TMEM18: variants seen among roughly 807,000 people sequenced by gnomAD.
The protein encoded by TMEM18 is transmembrane protein 18.
Under a neutral mutation model 17.4 loss-of-function variants are expected in TMEM18, and 14 were observed. That is an observed-to-expected ratio of 0.80 (90% CI 0.53 to 1.25). TMEM18 has a LOEUF of 1.25. Ranked by LOEUF, TMEM18 falls within the 50% of genes most tolerant of loss-of-function variation. The pLI is 0.00. For synonymous variants in TMEM18, 86 were observed against 66.1 expected (o/e 1.30, Z -1.46); for missense variants, 187 against 172.1 (o/e 1.09, Z -0.48).
At chr2:669,731 G>C in intron 4 of TMEM18, 26 bp downstream of exon 4, 4 of 1,613,838 alleles carry the variant, frequency 2.5e-6, no homozygotes, top group Non-Finnish European at 2.5e-6. Context: ...CATGAAGAAA[G>C]ACAACTGAAA....
At chr2:672,469 A>G (rs1015980091) in intron 3 of TMEM18, among the ~76,000 whole-genome samples, 6 of 152,092 alleles carry the variant, frequency 3.9e-5, no homozygotes, top group Admixed American at 1.3e-4. Context: ...CTGCAGTCCA[A>G]GGGGGAGGGC....
chr2:674,480 A>G (rs562227768), intron 2 of TMEM18, among the ~76,000 whole-genome samples: 2 of 152,266 alleles, frequency 1.3e-5, no homozygotes, highest in South Asian at 2.1e-4. Context: ...GTCACTGTTG[A>G]TAACACAGGT....
intron 3 of TMEM18, chr2:670,804 C>T (rs1299378647): frequency 3.3e-5 from 5 of 152,584 alleles, no homozygotes; most frequent in Non-Finnish European, 5.9e-5. Context: ...TGCAGGACTC[C>T]GCGTTTACTC....
In TMEM18 at chr2:664,671, C is replaced by T. The variant is rs1334460934; in HGVS notation, c.*4909G>A. ...AGGAAATATGTACAACCAATATTGG[C>T]ATATGCTTTCTGAAAATTGATTTAG... On this transcript the variant is annotated 3_prime_UTR_variant, in exon 5 of 5. Transcript: ENST00000281017. Among the ~76,000 whole-genome samples, 1 of 152,190 alleles carries T rather than the reference C, an allele frequency of 6.6e-6. No homozygotes were observed. The highest frequency in any genetic ancestry group is 1.5e-5 in the Non-Finnish European group (1 of 68,046).
intron 2 of TMEM18, among the ~76,000 whole-genome samples, chr2:673,311 C>T (rs1313850207): frequency 1.3e-5 from 2 of 152,176 alleles, no homozygotes; most frequent in African/African-American, 4.8e-5. Flanking sequence ...GACACTGCCA[C>T]TGAGATGACC....
In TMEM18 at chr2:665,916, GCTCA is replaced by G. The variant is rs1277855491; in HGVS notation, c.*3660_*3663del. Among the ~76,000 whole-genome samples the G allele has an allele frequency of 2.0e-5, 3 of 151,964 alleles. No individual in the cohort carries two copies. Among genetic ancestry groups the G allele is most frequent in the Admixed American group, 1.3e-4 (2 of 15,250 alleles). ...CAGGACTCATGGAGGCAGTCACCCA[GCTCA>G]CTCAGATGGAGTGTTAACCCCACGC... On this transcript the variant is annotated 3_prime_UTR_variant, in exon 5 of 5. Transcript: ENST00000281017.
In TMEM18 at chr2:665,276, C is replaced by A. The variant is rs920765420; in HGVS notation, c.*4304G>T. On this transcript the variant is annotated 3_prime_UTR_variant, in exon 5 of 5. Coordinates refer to ENST00000281017, the MANE Select transcript of TMEM18 (RefSeq NM_152834.4). ...CAACAGGATCCAGAGATGCAGACAC[C>A]CCACTCACTCAGATAGAGAATCAAC... Among the ~76,000 whole-genome samples, 48 of 151,548 alleles carry A rather than the reference C, an allele frequency of 3.2e-4. No homozygotes were observed. Among genetic ancestry groups the A allele is most frequent in the African/African-American group, 1.1e-3 (46 of 41,130 alleles).
Position 665,160 on chromosome 2 carries a change from G to A in TMEM18, c.*4420C>T, listed in dbSNP as rs1486602831. ...GATCCATAAACCCAGAGATGCAGAC[G>A]CCCAGCTCAGATGGAGCATCACTCC... is the stretch of plus-strand genomic sequence containing the variant. On this transcript the variant is annotated 3_prime_UTR_variant, in exon 5 of 5. Transcript: ENST00000281017. Among the ~76,000 whole-genome samples, 1 of 152,090 alleles carries A rather than the reference G, an allele frequency of 6.6e-6. No individual in the cohort carries two copies. The highest frequency in any genetic ancestry group is 2.4e-5 in the African/African-American group (1 of 41,392).
At chr2:675,994 G>T (rs1678994210) in intron 1 of TMEM18, 4 of 1,308,400 alleles carry the variant, frequency 3.1e-6, no homozygotes, top group Non-Finnish European at 4.0e-6. Flanking sequence ...ATGATAATTG[G>T]TTATGATAAT....
In TMEM18 at chr2:675,625, C is replaced by T. The variant is rs113619823; in HGVS notation, c.63G>A (p.Thr21=). 10 of 1,613,822 alleles carry T rather than the reference C, an allele frequency of 6.2e-6. No individual in the cohort carries two copies. Among genetic ancestry groups the T allele is most frequent in the Non-Finnish European group, 7.6e-6 (9 of 1,180,028 alleles). Residue 21 remains threonine, a synonymous_variant, in exon 2 of 5, where the codon ACG becomes ACA. Coordinates refer to ENST00000281017, the MANE Select transcript of TMEM18 (RefSeq NM_152834.4). ...CCATGAGCCAGGGCTCAGTCCAGTC[C>T]GTCTGCTGTAGGAACACACCAGCAG... ...PVSIPAVLTQ[T]DWTEPWLMGL...
chr2:664,831 A>G lies in TMEM18; in HGVS notation c.*4749T>C. Among the ~76,000 whole-genome samples, 1 of 152,244 alleles carries G rather than the reference A, an allele frequency of 6.6e-6. No individual in the cohort carries two copies. The highest frequency in any genetic ancestry group is 2.1e-4 in the South Asian group (1 of 4,828). ...CTGTGTTGCTGTTGTCAGTAAAACA[A>G]TTAGAAAAACTCTGCATCTCTAATA... On this transcript the variant is annotated 3_prime_UTR_variant, in exon 5 of 5. Transcript: ENST00000281017.
At chr2:673,173 A>G (rs1572412031) in intron 2 of TMEM18, among the ~76,000 whole-genome samples, 1 of 152,190 alleles carries the variant, frequency 6.6e-6, no homozygotes, top group Non-Finnish European at 1.5e-5. Flanking sequence ...GCTGGACCTC[A>G]CACATTTCCC....
rs562363441 is a variant in TMEM18 at position 675,399 on chromosome 2, G to C, written c.178+111C>G. 5.7e-5 allele frequency: 86 copies of C among 1,498,274 alleles called. No individual in the cohort carries two copies. The African/African-American group carries it at 1.2e-3, about 20-fold the overall frequency. The allele number at this position is 1,498,274 out of a possible 1,614,324, so 92.8% of individuals were successfully genotyped here. A position where few individuals can be genotyped will look rare whatever the true frequency, so the allele number is the denominator to read the frequency against. ...CCCTGGGAGCAGGCACATGACAGAG[G>C]GTTGGGAGGTCTTGTAAAAATATGT... is the stretch of plus-strand genomic sequence containing the variant. On this transcript the variant is annotated intron_variant, in intron 2 of 4. Transcript: ENST00000281017.
At chr2:676,913 G>A (rs1366132349) in intron 1 of TMEM18, 2 of 512,178 alleles carry the variant, frequency 3.9e-6, no homozygotes, top group African/African-American at 2.0e-5. Context: ...CCCGCACGGT[G>A]CAGGACGCCA....
rs1366774440 is a variant in TMEM18 at position 664,130 on chromosome 2, C to T, written c.*5450G>A. 2.0e-5 allele frequency among the ~76,000 whole-genome samples: 3 copies of T among 152,198 alleles called. No homozygotes were observed. The highest frequency in any genetic ancestry group is 7.2e-5 in the African/African-American group (3 of 41,444). On this transcript the variant is annotated 3_prime_UTR_variant, in exon 5 of 5. Transcript: ENST00000281017. ...GAAATGAACTTGGAAAGCATTTAAA[C>T]ACCAGCCACCCATCAGTGTGAACTA...
chr2:676,741 G>C, intron 1 of TMEM18: 1 of 1,160,056 alleles, frequency 8.6e-7, no homozygotes, highest in South Asian at 1.5e-5. Flanking sequence ...GTTCCTCCGT[G>C]CCACCCCACA....
intron 3 of TMEM18, among the ~76,000 whole-genome samples, chr2:671,351 A>T (rs1678845039): frequency 6.6e-6 from 1 of 151,842 alleles, no homozygotes; most frequent in Non-Finnish European, 1.5e-5. Context: ...GGGACTGAAC[A>T]CCCCTCCTGG....
intron 4 of TMEM18, 21 bp from the exon 5 acceptor site, chr2:669,696 CAT>C (rs1206321071): frequency 1.2e-6 from 2 of 1,613,898 alleles, no homozygotes; most frequent in East Asian, 4.5e-5. Flanking sequence ...TTGTTTGAGA[CAT>C]GTTTAGATTT....
Position 669,815 on chromosome 2 carries a change from C to T in TMEM18, c.269G>A (p.Gly90Glu), listed in dbSNP as rs770232573. 5 of 1,613,488 alleles carry T rather than the reference C, an allele frequency of 3.1e-6. No individual in the cohort carries two copies. The African/African-American group carries it at 4.0e-5, about 13-fold the overall frequency. Residue 90 changes from glycine to glutamate, a missense_variant, in exon 4 of 5, where the codon GGG (glycine) becomes GAG (glutamate). Gly to Glu is a moderately conservative substitution (Grantham distance 98). Transcript: ENST00000281017. ...TGAAAATACTATAGAAATGAACATC[C>T]CCCTGGAGTCGAAATACTGGTATTT... The part of the protein sequence containing the change: ...FSKYQYFDSR[G>E]MFISIVFSAP...
Sources: gnomAD v4.1 joint callset for allele counts (sites outside exome capture counted in the v4.1 genomes callset) on GRCh38, gnomAD v4.1.1 for gene constraint, MANE v1.5 for transcripts, NCBI Gene and HGNC (gene_info 2026-07-23, HGNC 2026-07-21) for gene names.